Variants in TMCO6 observed in about 807,000 individuals in gnomAD.
TMCO6 encodes the protein transmembrane and coiled-coil domains 6.
A neutral mutation model predicts 61.8 loss-of-function variants in TMCO6; 47 were observed. The observed-to-expected ratio is 0.76, with a 90% CI of 0.60 to 0.97. The LOEUF (loss-of-function observed/expected upper bound fraction) is 0.97, where lower values mean the gene tolerates loss of function less well. Ranked by LOEUF, TMCO6 falls within the 50% of genes least tolerant of loss-of-function variation. TMCO6 has a pLI of 0.00. For synonymous variants in TMCO6, 261 were observed against 254.2 expected (o/e 1.03, Z -0.25); for missense variants, 557 against 601.6 (o/e 0.93, Z 0.78).
chr5:140,633,287 C>T, the TMCO6 span: 3 of 640,056 alleles, frequency 4.7e-6, no homozygotes, highest in Non-Finnish European at 8.3e-6. Context: ...CAGCCCCCTT[C>T]CTTTCCTGGA....
chr5:140,646,299 C>T (rs1443561201), downstream of TMCO6, among the ~76,000 whole-genome samples: 1 of 152,184 alleles, frequency 6.6e-6, no homozygotes, highest in Non-Finnish European at 1.5e-5. Flanking sequence ...GCGTGAACCA[C>T]CGCACCCAGC....
At chr5:140,647,584 C>G (rs747263398), downstream of TMCO6, 1 of 1,609,794 alleles carries the variant, frequency 6.2e-7, no homozygotes, top group African/African-American at 1.3e-5. Context: ...CCGCCGCCAT[C>G]CTTGTTAATA....
chr5:140,597,316 T>A, the TMCO6 span, among the ~76,000 whole-genome samples: 3 of 152,222 alleles, frequency 2.0e-5, no homozygotes, highest in African/African-American at 7.2e-5. Flanking sequence ...CTGTATTATA[T>A]CAAATTGAGG....
chr5:140,612,600 A>G, the TMCO6 span, among the ~76,000 whole-genome samples: 3 of 151,900 alleles, frequency 2.0e-5, no homozygotes, highest in African/African-American at 4.8e-5. Context: ...CGGCCTCCCA[A>G]AGTGCTGGGA....
the TMCO6 span, among the ~76,000 whole-genome samples, chr5:140,602,781 AACAC>A: frequency 2.7e-5 from 4 of 150,518 alleles, no homozygotes; most frequent in African/African-American, 9.8e-5. Flanking sequence ...CACACACACA[AACAC>A]ACACACACAA....
At chr5:140,608,391 T>C in the TMCO6 span, among the ~76,000 whole-genome samples, 62 of 152,344 alleles carry the variant, frequency 4.1e-4, no homozygotes, top group Admixed American at 1.3e-3. Context: ...CTATATAAAC[T>C]CTGGGTAGTA....
chr5:140,616,148 GAAGA>G, the TMCO6 span, among the ~76,000 whole-genome samples: 1 of 140,942 alleles, frequency 7.1e-6, no homozygotes, highest in Non-Finnish European at 1.6e-5. Context: ...AAAAAAAGAA[GAAGA>G]AAGAAAGCAT....
At chr5:140,640,112 ACCT>A (rs1756926901) in intron 2 of TMCO6, among the ~76,000 whole-genome samples, 1 of 151,508 alleles carries the variant, frequency 6.6e-6, no homozygotes, top group African/African-American at 2.4e-5. Context: ...TGCCACCACC[ACCT>A]CCTCTCTGGA....
At chr5:140,639,404 C>T (rs1035519954), upstream of TMCO6, 3 of 995,974 alleles carry the variant, frequency 3.0e-6, no homozygotes, top group Admixed American at 4.7e-5. Context: ...GCACCCACCC[C>T]GCTCCTCGCG....
downstream of TMCO6, chr5:140,647,156 A>C: frequency 7.8e-7 from 1 of 1,278,938 alleles, no homozygotes; most frequent in Non-Finnish European, 1.1e-6. Context: ...TCCGAGTTCT[A>C]GTTTCTCCAC....
chr5:140,610,086 C>T, the TMCO6 span, among the ~76,000 whole-genome samples: 2 of 150,290 alleles, frequency 1.3e-5, no homozygotes, highest in Non-Finnish European at 2.9e-5. Context: ...CAGTGGCTCA[C>T]GCCCAGAATC....
the TMCO6 span, among the ~76,000 whole-genome samples, chr5:140,608,875 C>A: frequency 6.6e-6 from 1 of 152,200 alleles, no homozygotes; most frequent in African/African-American, 2.4e-5. Context: ...TATGCTACTA[C>A]CACACTGTCT....
At chr5:140,609,315 TG>T in the TMCO6 span, 1 of 214,654 alleles carries the variant, frequency 4.7e-6, no homozygotes. Flanking sequence ...AAGAAAAGGG[TG>T]GGGACACACA....
chr5:140,631,842 T>C, the TMCO6 span: 16 of 1,527,692 alleles, frequency 1.0e-5, no homozygotes, highest in African/African-American at 2.1e-4. Flanking sequence ...CCATTCATTA[T>C]TCTGTCTTGG....
the TMCO6 span, among the ~76,000 whole-genome samples, chr5:140,615,226 A>C: frequency 6.6e-6 from 1 of 152,212 alleles, no homozygotes; most frequent in Non-Finnish European, 1.5e-5. Context: ...TAAAATACTT[A>C]GGAATAAACT....
At chr5:140,624,401 C>A in the TMCO6 span, among the ~76,000 whole-genome samples, 1 of 151,900 alleles carries the variant, frequency 6.6e-6, no homozygotes, top group African/African-American at 2.4e-5. Flanking sequence ...ATAAAGTATT[C>A]AATTTAGTGG....
At chr5:140,631,877 T>C in the TMCO6 span, 4 of 1,572,760 alleles carry the variant, frequency 2.5e-6, no homozygotes, top group Non-Finnish European at 3.5e-6. Context: ...CCCGGGCCCC[T>C]TGGAGCAGCA....
the TMCO6 span, among the ~76,000 whole-genome samples, chr5:140,620,277 A>G: frequency 2.6e-5 from 4 of 152,236 alleles, no homozygotes; most frequent in African/African-American, 7.2e-5. Context: ...CCAATCTTAA[A>G]ATAATACATA....
At chr5:140,611,395 T>C in the TMCO6 span, among the ~76,000 whole-genome samples, 1 of 152,224 alleles carries the variant, frequency 6.6e-6, no homozygotes, top group South Asian at 2.1e-4. Flanking sequence ...TACTGGGGCC[T>C]ATTGTATGAG....
Sources: allele counts gnomAD v4.1 joint callset (sites outside exome capture counted in the v4.1 genomes callset), GRCh38; gene constraint gnomAD v4.1.1; transcripts MANE v1.5; gene names NCBI Gene and HGNC (gene_info 2026-07-23, HGNC 2026-07-21).